Variants in NFIC observed in about 807,000 individuals in gnomAD.
The protein encoded by NFIC is nuclear factor 1 C-type.
NFIC carries 12 observed loss-of-function variants against 54.4 expected under a neutral mutation model. That is an observed-to-expected ratio of 0.22 (90% CI 0.14 to 0.36). The LOEUF is 0.36. Among genes scored for constraint, NFIC ranks in the 10% least tolerant of loss-of-function variants. The pLI is 1.00. For missense variants in NFIC, 575 were observed against 718.2 expected (o/e 0.80, Z 2.28); for synonymous variants, 322 against 319.2 (o/e 1.01, Z -0.09).
chr19:3,432,337 G>C (rs966744025), intron 3 of NFIC, among the ~76,000 whole-genome samples: 12 of 152,070 alleles, frequency 7.9e-5, no homozygotes, highest in African/African-American at 2.9e-4. Flanking sequence ...CATTTTAACT[G>C]ACCCATTGCT....
Position 3,452,430 on chromosome 19 carries a change from A to G in NFIC, c.1085-52A>G. 6.3e-7 allele frequency: 1 copy of G among 1,596,810 alleles called. No homozygotes were observed. The highest frequency in any genetic ancestry group is 8.5e-7 in the Non-Finnish European group (1 of 1,173,314). On this transcript the variant is annotated intron_variant, in intron 7 of 10. Coordinates refer to ENST00000443272, the MANE Select transcript of NFIC (RefSeq NM_001245002.2). The surrounding 1 kb of genome is among the most constrained non-coding windows in gnomAD (Gnocchi z 5.3). ...CAGACACACAGTCACACGGTCACAG[A>G]GCAGACCGGCTGGAGCCCCCAAGTA...
At chr19:3,406,219 A>G (rs1181780280) in intron 2 of NFIC, among the ~76,000 whole-genome samples, 2 of 152,014 alleles carry the variant, frequency 1.3e-5, no homozygotes, top group Admixed American at 6.6e-5. Context: ...CAGCCTTCCA[A>G]GTAGCTGGGA....
intron 7 of NFIC, among the ~76,000 whole-genome samples, chr19:3,451,791 G>C (rs1051118453): frequency 6.8e-6 from 1 of 147,262 alleles, no homozygotes; most frequent in Non-Finnish European, 1.5e-5. Flanking sequence ...TCCCCTGAAG[G>C]CCACCCTGTC....
chr19:3,450,031 G>A (rs532909509), intron 7 of NFIC, among the ~76,000 whole-genome samples: 4 of 152,028 alleles, frequency 2.6e-5, no homozygotes, highest in Non-Finnish European at 1.5e-5. Flanking sequence ...CTCCAACCTG[G>A]GCGACAGAGC....
Position 3,463,614 on chromosome 19 carries a change from G to GGCCCCCCCCCCCC in NFIC, c.*845_*846insGCCCCCCCCCCCC. 1 of 959,112 alleles carries GGCCCCCCCCCCCC rather than the reference G, an allele frequency of 1.0e-6. No individual in the cohort carries two copies. Among genetic ancestry groups the GGCCCCCCCCCCCC allele is most frequent in the Non-Finnish European group, 1.2e-6 (1 of 807,848 alleles). 59.4% of individuals were successfully genotyped at this position (959,112 alleles called of 1,614,324 possible). A position where few individuals can be genotyped will look rare whatever the true frequency, so the allele number is the denominator to read the frequency against. Reference sequence around the variant, plus strand: ...GGGAGGAGAAGTCTCTATGCAATTGGCCCCGGCCCCTCCACCCCCCACCCC... The same window carrying GGCCCCCCCCCCCC: ...GGGAGGAGAAGTCTCTATGCAATTGGGCCCCCCCCCCCCCCCCGGCCCCTCCACCCCCCACCCC... On this transcript the variant is annotated 3_prime_UTR_variant, in exon 11 of 11. Transcript: ENST00000443272.
At chr19:3,402,511 CAG>C (rs1462500167) in intron 2 of NFIC, among the ~76,000 whole-genome samples, 1 of 152,218 alleles carries the variant, frequency 6.6e-6, no homozygotes, top group Admixed American at 6.6e-5. Context: ...GAGGGCACAA[CAG>C]AGATCTAGAC....
At chr19:3,368,358 A>G (rs2080934492) in intron 1 of NFIC, among the ~76,000 whole-genome samples, 1 of 152,192 alleles carries the variant, frequency 6.6e-6, no homozygotes, top group Admixed American at 6.5e-5. Flanking sequence ...GGGGTTAGTA[A>G]GAACCCCAGT....
upstream of NFIC, chr19:3,366,454 G>A (rs996638824): frequency 2.0e-5 from 10 of 500,972 alleles, no homozygotes; most frequent in South Asian, 5.5e-5. Context: ...CGAGGCGGGC[G>A]GCGCGAGAGA....
chr19:3,390,767 CAGA>C (rs1249308565), intron 2 of NFIC, among the ~76,000 whole-genome samples: 2 of 150,126 alleles, frequency 1.3e-5, no homozygotes, highest in Admixed American at 6.7e-5. Context: ...AAGCCAGACA[CAGA>C]AGGACAAATC....
At chr19:3,422,983 G>A (rs1447660836) in intron 2 of NFIC, among the ~76,000 whole-genome samples, 1 of 151,144 alleles carries the variant, frequency 6.6e-6, no homozygotes, top group East Asian at 2.0e-4. Context: ...GATCACCTGA[G>A]GTCAGGAGTT....
chr19:3,426,503 T>C (rs892143176), intron 3 of NFIC, among the ~76,000 whole-genome samples: 4 of 152,162 alleles, frequency 2.6e-5, no homozygotes, highest in Admixed American at 6.5e-5. Context: ...CTCCTGCCCT[T>C]GGCCCCCACC....
In NFIC at chr19:3,381,771, C is replaced by G. The variant is rs1313789912; in HGVS notation, c.90C>G (p.Thr30=). The G allele has an allele frequency of 1.9e-6, 3 of 1,613,822 alleles. No homozygotes were observed. Among genetic ancestry groups the G allele is most frequent in the East Asian group, 2.2e-5 (1 of 44,884 alleles). The change falls in exon 2 of 11, where the codon ACC becomes ACG. Residue 30 remains threonine, a synonymous_variant. Coordinates refer to ENST00000443272, the MANE Select transcript of NFIC (RefSeq NM_001245002.2). ...CTCACGTCCGCGCCTTCGCCTACAC[C>G]TGGTTCAACCTGCAGGCGCGGAAGC... The part of the protein sequence containing the change: ...LLPHVRAFAY[T]WFNLQARKRK...
Position 3,402,342 on chromosome 19 carries a change from G to A in NFIC, c.562+20099G>A, listed in dbSNP as rs1319716899. ...TGGGATTACAGGCTGGAGCCACTGC[G>A]CCCAGACGGTCCTTCCTTTTCATGC... On this transcript the variant is annotated intron_variant, in intron 2 of 10. Transcript: ENST00000443272. Among the ~76,000 whole-genome samples the A allele has an allele frequency of 4.6e-5, 7 of 152,242 alleles. No individual in the cohort carries two copies. The East Asian group carries it at 7.7e-4, about 17-fold the overall frequency.
chr19:3,462,837 CCGGCCCA>C lies in NFIC; in HGVS notation c.*71_*77del, dbSNP rs2082661309. ...TCCCAGGGGGCAGCACAGCCGGCCC[CCGGCCCA>C]CGTTTTCGGTGGAAAATTAGAGTGA... On this transcript the variant is annotated 3_prime_UTR_variant, in exon 11 of 11. Coordinates refer to ENST00000443272, the MANE Select transcript of NFIC (RefSeq NM_001245002.2). 6.2e-7 allele frequency: 1 copy of C among 1,610,868 alleles called. No homozygotes were observed. Among genetic ancestry groups the C allele is most frequent in the African/African-American group, 1.3e-5 (1 of 74,902 alleles).
intron 2 of NFIC, among the ~76,000 whole-genome samples, chr19:3,389,040 C>T (rs2081340942): frequency 6.6e-6 from 1 of 152,072 alleles, no homozygotes; most frequent in South Asian, 2.1e-4. Context: ...CCCCTTAAAC[C>T]TCTTTTCAAA....
At chr19:3,366,748 G>T in intron 1 of NFIC, 82 bp downstream of exon 1, 1 of 1,023,522 alleles carries the variant, frequency 9.8e-7, no homozygotes, top group Non-Finnish European at 1.3e-6. Context: ...GGAGGAGGCG[G>T]GACGAAAAAG....
At chr19:3,430,983 T>C (rs1048879556) in intron 3 of NFIC, among the ~76,000 whole-genome samples, 1 of 150,956 alleles carries the variant, frequency 6.6e-6, no homozygotes. Flanking sequence ...CATCACACAC[T>C]GTGTGGCCTT....
chr19:3,366,925 C>T (rs2080899230), intron 1 of NFIC, among the ~76,000 whole-genome samples: 1 of 151,902 alleles, frequency 6.6e-6, no homozygotes, highest in Non-Finnish European at 1.5e-5. Flanking sequence ...CTCGGGACCT[C>T]TCCCGGATGT....
At position 3,375,607 on chromosome 19, in the gene NFIC, G is replaced by A. The variant is rs986868909; in HGVS notation, c.31-6105G>A. ...AGGGCCCTGAGGTCCGGTCCCCGCC[G>A]CAGCTGTTACGGTGACTCACGCTTT... On this transcript the variant is annotated intron_variant, in intron 1 of 10. Coordinates refer to ENST00000443272, the MANE Select transcript of NFIC (RefSeq NM_001245002.2). This position sits in a 1 kb window ranked among gnomAD's most constrained non-coding sequence, Gnocchi z 4.6. Among the ~76,000 whole-genome samples the A allele has an allele frequency of 3.9e-5, 6 of 152,230 alleles. No individual in the cohort carries two copies. Among genetic ancestry groups the A allele is most frequent in the South Asian group, 2.1e-4 (1 of 4,838 alleles).
Sources: allele counts gnomAD v4.1 joint callset (sites outside exome capture counted in the v4.1 genomes callset), GRCh38; gene constraint gnomAD v4.1.1; non-coding constraint Gnocchi (gnomAD v3.1); transcripts MANE v1.5; gene names NCBI Gene and HGNC (gene_info 2026-07-23, HGNC 2026-07-21).